GPR107: variants seen among roughly 807,000 people sequenced by gnomAD.
GPR107 encodes the protein G protein-coupled receptor 107, also known as protein GPR107.
A neutral mutation model predicts 75.5 loss-of-function variants in GPR107; 31 were observed. That is an observed-to-expected ratio of 0.41 (90% CI 0.31 to 0.55). The LOEUF (loss-of-function observed/expected upper bound fraction) is 0.55, where lower values mean the gene tolerates loss of function less well. GPR107 is among the 20% of genes least tolerant of loss of function. The pLI is 0.26. For synonymous variants in GPR107, 267 were observed against 251.3 expected (o/e 1.06, Z -0.59); for missense variants, 572 against 665.7 (o/e 0.86, Z 1.55).
At chr9:130,071,702 C>T (rs973699119) in intron 1 of GPR107, among the ~76,000 whole-genome samples, 4 of 151,698 alleles carry the variant, frequency 2.6e-5, no homozygotes, top group Admixed American at 6.6e-5. Flanking sequence ...TTGTTTTTTG[C>T]GATAAAGTCT....
chr9:130,133,011 C>T (rs1831865606), intron 17 of GPR107: 1 of 152,052 alleles, frequency 6.6e-6, no homozygotes, highest in African/African-American at 2.4e-5. Flanking sequence ...TGACGGGCTT[C>T]CTGGCTTCCC....
At chr9:130,075,241 CTTTTTTTTTTTT>C (rs149248581) in intron 1 of GPR107, among the ~76,000 whole-genome samples, 1 of 76,738 alleles carries the variant, frequency 1.3e-5, no homozygotes, top group African/African-American at 4.6e-5. Context: ...TTTCTTTTAC[CTTTTTTTTTTTT>C]TTTTTTTTTG....
chr9:130,057,241 C>T (rs192285762), intron 1 of GPR107, among the ~76,000 whole-genome samples: 119 of 152,218 alleles, frequency 7.8e-4, no homozygotes, highest in Admixed American at 1.8e-3. Flanking sequence ...CCTGTAATCT[C>T]AGCACTTAGG....
intron 4 of GPR107, among the ~76,000 whole-genome samples, chr9:130,078,730 A>T (rs945828722): frequency 1.3e-5 from 2 of 152,198 alleles, no homozygotes; most frequent in African/African-American, 2.4e-5. Flanking sequence ...TCCATCATTC[A>T]TATCCAGCCA....
intron 4 of GPR107, among the ~76,000 whole-genome samples, chr9:130,078,522 A>G (rs1254179781): frequency 6.6e-6 from 1 of 152,238 alleles, no homozygotes; most frequent in African/African-American, 2.4e-5. Flanking sequence ...GCAAGCAACA[A>G]AAGACTTGAC....
In GPR107 at chr9:130,096,785, T is replaced by C. The variant is rs149352593; in HGVS notation, c.864-2672T>C. Reference sequence around the variant, plus strand: ...ATTTTTGGATATTTCTATATTCTTATAGATAAGTACTGTTTACTGGTGTTG... The same window carrying C: ...ATTTTTGGATATTTCTATATTCTTACAGATAAGTACTGTTTACTGGTGTTG... On this transcript the variant is annotated intron_variant, in intron 9 of 17. Transcript: ENST00000347136. 8.2e-3 allele frequency among the ~76,000 whole-genome samples: 1,245 copies of C among 152,344 alleles called. 26 individuals are homozygous for C. Among genetic ancestry groups the C allele is most frequent in the African/African-American group, 0.029 (1,187 of 41,574 alleles).
At chr9:130,108,113 G>T (rs973969030) in intron 14 of GPR107, among the ~76,000 whole-genome samples, 1 of 152,192 alleles carries the variant, frequency 6.6e-6, no homozygotes, top group Admixed American at 6.5e-5. Flanking sequence ...AATGTTTTGT[G>T]TGGTTCTGGG....
At chr9:130,078,433 T>C (rs1031675252) in intron 4 of GPR107, among the ~76,000 whole-genome samples, 1 of 152,164 alleles carries the variant, frequency 6.6e-6, no homozygotes, top group Non-Finnish European at 1.5e-5. Context: ...ACTTTTAAAA[T>C]ATTCTCCGTG....
chr9:130,091,221 G>C (rs1830727641), intron 8 of GPR107, among the ~76,000 whole-genome samples: 1 of 152,150 alleles, frequency 6.6e-6, no homozygotes, highest in Non-Finnish European at 1.5e-5. Context: ...GGGCATGGTG[G>C]CTCATGCCTG....
At chr9:130,111,079 C>G (rs1831287192) in intron 14 of GPR107, among the ~76,000 whole-genome samples, 1 of 152,002 alleles carries the variant, frequency 6.6e-6, no homozygotes, top group Non-Finnish European at 1.5e-5. Context: ...TCTTAAACTC[C>G]TAACCTCAAG....
rs113077062 is a variant in GPR107 at position 130,071,034 on chromosome 9, T to C, written c.142-4602T>C. Among the ~76,000 whole-genome samples, 72 of 84,710 alleles carry C rather than the reference T, an allele frequency of 8.5e-4. 1 individual carries two copies. The highest frequency in any genetic ancestry group is 1.3e-3 in the South Asian group (3 of 2,386). 55.6% of individuals were successfully genotyped at this position (84,710 alleles called of 152,430 possible). A position where few individuals can be genotyped will look rare whatever the true frequency, so the allele number is the denominator to read the frequency against. On this transcript the variant is annotated intron_variant, in intron 1 of 17. Transcript: ENST00000347136. ...AGGCCCAGTCCTAACTTTTTTTTTT[T>C]CTTTTTTTTTTTTTTTTTTGAGACA...
chr9:130,074,598 G>A (rs1830295012), intron 1 of GPR107, among the ~76,000 whole-genome samples: 1 of 152,068 alleles, frequency 6.6e-6, no homozygotes, highest in East Asian at 1.9e-4. Flanking sequence ...TGGGGTAGGC[G>A]TCTGCCCATG....
chr9:130,133,828 T>C lies in GPR107; in HGVS notation c.1563-1197T>C, dbSNP rs181539036. On this transcript the variant is annotated intron_variant, in intron 17 of 17. Coordinates refer to ENST00000347136, the MANE Select transcript of GPR107 (RefSeq NM_020960.5). ...TGAGAAAGGTTCCGGCTTGGGGGAT[T>C]CTTTGAGCCTGGGCATGGTAGCACC... Among the ~76,000 whole-genome samples the C allele has an allele frequency of 1.9e-3, 293 of 152,292 alleles. 1 individual carries two copies. The highest frequency in any genetic ancestry group is 7.0e-3 in the African/African-American group (290 of 41,558).
rs774397333 is a variant in GPR107, at chr9:130,112,772, C to G, written c.1306+5233C>G. ...TTTTTATTTATTTATTTTTTTGAGA[C>G]AGGGTCTTGCACTGTTGCCCAGGCT... On this transcript the variant is annotated intron_variant, in intron 14 of 17. Coordinates refer to ENST00000347136, the MANE Select transcript of GPR107 (RefSeq NM_020960.5). The surrounding 1 kb of genome is among the most constrained non-coding windows in gnomAD (Gnocchi z 4.0). Among the ~76,000 whole-genome samples the G allele has an allele frequency of 1.3e-4, 19 of 151,864 alleles. No homozygotes were observed. Among genetic ancestry groups the G allele is most frequent in the Middle Eastern group, 3.4e-3 (1 of 294 alleles).
At chr9:130,088,331 G>T (rs1034260349) in intron 7 of GPR107, among the ~76,000 whole-genome samples, 4 of 152,180 alleles carry the variant, frequency 2.6e-5, no homozygotes, top group Admixed American at 1.3e-4. Context: ...TCAGAATTCC[G>T]TAAGTCTTTG....
intron 5 of GPR107, among the ~76,000 whole-genome samples, chr9:130,080,699 G>A (rs1830473733): frequency 6.6e-6 from 1 of 151,080 alleles, no homozygotes; most frequent in Admixed American, 6.6e-5. Context: ...CACGGTGTTA[G>A]CTAGGATGGT....
rs143593251 is a variant in GPR107 at position 130,114,715 on chromosome 9, TATAATC to T, written c.1306+7180_1306+7185del. The T allele has an allele frequency of 1.6e-3, 1,682 of 1,036,768 alleles. 36 individuals are homozygous for T. The African/African-American group carries it at 0.027, about 17-fold the overall frequency. The allele number at this position is 1,036,768 out of a possible 1,614,324, so 64.2% of individuals were successfully genotyped here. On this transcript the variant is annotated intron_variant, in intron 14 of 17. Coordinates refer to ENST00000347136, the MANE Select transcript of GPR107 (RefSeq NM_020960.5). ...TTACTTTCTGATCCATATTTGTAGATATAATCATACTAACCGAAAAACTTGGGGTCT... is the reference window on the plus strand; with the variant it reads ...TTACTTTCTGATCCATATTTGTAGATATACTAACCGAAAAACTTGGGGTCT...
At chr9:130,110,547 T>C (rs1376770355) in intron 14 of GPR107, 7 of 663,722 alleles carry the variant, frequency 1.1e-5, no homozygotes, top group Non-Finnish European at 2.0e-5. Context: ...AACGGGATTG[T>C]CATTTTGGTT....
chr9:130,092,158 A>T, intron 8 of GPR107, 90 bp from the exon 9 acceptor site: 1 of 1,142,908 alleles, frequency 8.7e-7, no homozygotes, highest in Non-Finnish European at 1.3e-6. Flanking sequence ...TTACTTTCTT[A>T]AGCTTAAGTG....
Sources: allele counts gnomAD v4.1 joint callset (sites outside exome capture counted in the v4.1 genomes callset), GRCh38; gene constraint gnomAD v4.1.1; non-coding constraint Gnocchi (gnomAD v3.1); transcripts MANE v1.5; gene names NCBI Gene and HGNC (gene_info 2026-07-23, HGNC 2026-07-21).